Variants in CACNA2D3 observed in about 807,000 individuals in gnomAD.
CACNA2D3 encodes voltage-dependent calcium channel subunit alpha-2/delta-3.
CACNA2D3 carries 60 observed loss-of-function variants against 160.6 expected under a neutral mutation model. The observed-to-expected ratio is 0.37, with a 90% CI of 0.30 to 0.46. The LOEUF (loss-of-function observed/expected upper bound fraction) is 0.46. CACNA2D3 is among the 20% of genes least tolerant of loss of function. CACNA2D3 has a pLI of 1.00. For synonymous variants in CACNA2D3, 558 were observed against 492.9 expected (o/e 1.13, Z -1.75); for missense variants, 1,205 against 1,365.0 (o/e 0.88, Z 1.85).
intron 13 of CACNA2D3, among the ~76,000 whole-genome samples, chr3:54,800,265 C>A (rs1392223931): frequency 6.6e-6 from 1 of 152,198 alleles, no homozygotes; most frequent in African/African-American, 2.4e-5. Context: ...CCTGGACTGC[C>A]ATGGGGACCA....
intron 4 of CACNA2D3, among the ~76,000 whole-genome samples, chr3:54,460,651 C>A (rs1700485754): frequency 6.6e-6 from 1 of 152,134 alleles, no homozygotes; most frequent in Admixed American, 6.5e-5. Flanking sequence ...GCTGAAGTTG[C>A]TTATCAGCTT....
chr3:55,059,735 T>G (rs903176587), intron 35 of CACNA2D3, among the ~76,000 whole-genome samples: 1 of 152,068 alleles, frequency 6.6e-6, no homozygotes, highest in East Asian at 1.9e-4. Context: ...TGAAGGATGG[T>G]GGATACGGGG....
chr3:54,135,059 T>C (rs1699791116), intron 2 of CACNA2D3, among the ~76,000 whole-genome samples: 1 of 152,216 alleles, frequency 6.6e-6, no homozygotes, highest in Admixed American at 6.5e-5. Flanking sequence ...TCACTGATAT[T>C]AGGGAGAAAT....
intron 9 of CACNA2D3, among the ~76,000 whole-genome samples, chr3:54,589,986 A>T (rs770367504): frequency 1.2e-4 from 19 of 152,248 alleles, no homozygotes; most frequent in Non-Finnish European, 2.5e-4. Flanking sequence ...ACTCTGGAAG[A>T]CAGTTTGACA....
At chr3:54,814,034 T>G (rs909085215) in intron 13 of CACNA2D3, among the ~76,000 whole-genome samples, 6 of 151,620 alleles carry the variant, frequency 4.0e-5, no homozygotes, top group African/African-American at 1.5e-4. Flanking sequence ...CCCAGCTAAT[T>G]TTTTTTGTAT....
intron 27 of CACNA2D3, among the ~76,000 whole-genome samples, chr3:54,930,817 C>T (rs1247416487): frequency 6.6e-6 from 1 of 152,198 alleles, no homozygotes; most frequent in East Asian, 1.9e-4. Flanking sequence ...GCATCTTGGC[C>T]AAGCATGGTG....
intron 2 of CACNA2D3, among the ~76,000 whole-genome samples, chr3:54,163,009 A>G (rs1359042999): frequency 6.6e-6 from 1 of 152,200 alleles, no homozygotes; most frequent in Non-Finnish European, 1.5e-5. Flanking sequence ...AAAGGGAAAA[A>G]CAAGTGCAAG....
chr3:54,373,449 T>C (rs1698959526), intron 3 of CACNA2D3, among the ~76,000 whole-genome samples: 1 of 152,170 alleles, frequency 6.6e-6, no homozygotes, highest in Admixed American at 6.5e-5. Context: ...AAAACTGTGG[T>C]ATGTTTTAAA....
At chr3:54,661,626 G>T (rs1051326206) in intron 11 of CACNA2D3, among the ~76,000 whole-genome samples, 1 of 152,140 alleles carries the variant, frequency 6.6e-6, no homozygotes, top group Non-Finnish European at 1.5e-5. Context: ...TTGACAGCTG[G>T]CTCACTAACA....
intron 13 of CACNA2D3, among the ~76,000 whole-genome samples, chr3:54,807,594 G>A (rs188788627): frequency 6.6e-6 from 1 of 151,464 alleles, no homozygotes; most frequent in Non-Finnish European, 1.5e-5. Flanking sequence ...GGAACACTTT[G>A]ACACTGTTGG....
intron 5 of CACNA2D3, among the ~76,000 whole-genome samples, chr3:54,543,046 G>GC (rs759200391): frequency 8.5e-5 from 13 of 152,102 alleles, no homozygotes; most frequent in Non-Finnish European, 1.8e-4. Flanking sequence ...CTCAGTTCCA[G>GC]CCTTTTTCTC....
chr3:54,338,350 C>G (rs1258418141), intron 3 of CACNA2D3, among the ~76,000 whole-genome samples: 1 of 152,146 alleles, frequency 6.6e-6, no homozygotes, highest in African/African-American at 2.4e-5. Context: ...TTTTCTGAAC[C>G]AGGCAGGTTG....
chr3:54,400,231 C>T (rs1465673852), intron 4 of CACNA2D3, among the ~76,000 whole-genome samples: 1 of 150,418 alleles, frequency 6.6e-6, no homozygotes, highest in Non-Finnish European at 1.5e-5. Context: ...CCCGGTACCT[C>T]AGATGGAAAT....
intron 11 of CACNA2D3, among the ~76,000 whole-genome samples, chr3:54,724,667 A>G (rs1241856501): frequency 6.6e-6 from 1 of 152,210 alleles, no homozygotes; most frequent in African/African-American, 2.4e-5. Context: ...CTCCTGAATG[A>G]CTACTGGGTA....
intron 11 of CACNA2D3, among the ~76,000 whole-genome samples, chr3:54,728,138 T>C (rs965581053): frequency 2.4e-4 from 36 of 152,222 alleles, no homozygotes; most frequent in Admixed American, 6.5e-5. Context: ...TCATCAGTTT[T>C]GTAAAATTTT....
At position 54,802,022 on chromosome 3, in the gene CACNA2D3, T is replaced by C. The variant is rs540988911; in HGVS notation, c.1381-14831T>C. Among the ~76,000 whole-genome samples the C allele has an allele frequency of 3.9e-5, 6 of 152,348 alleles. No individual in the cohort carries two copies. In the East Asian group the frequency reaches 5.8e-4, roughly 15 times the overall value. On this transcript the variant is annotated intron_variant, in intron 13 of 37. Transcript: ENST00000474759. ...GAGGACATGACTAGTTTTAAAGTAG[T>C]AAAGTCAGCTATGTTTGTTTGCTTT... is the stretch of plus-strand genomic sequence containing the variant.
chr3:54,610,334 G>C (rs1288147057), intron 9 of CACNA2D3, among the ~76,000 whole-genome samples: 1 of 152,040 alleles, frequency 6.6e-6, no homozygotes, highest in Non-Finnish European at 1.5e-5. Flanking sequence ...AATTTTACTT[G>C]GTTACTTTTC....
intron 11 of CACNA2D3, among the ~76,000 whole-genome samples, chr3:54,682,457 C>T (rs1391774533): frequency 6.6e-6 from 1 of 151,996 alleles, no homozygotes; most frequent in Admixed American, 6.6e-5. Context: ...GAAACCCTGT[C>T]TCTACTAAAA....
intron 2 of CACNA2D3, among the ~76,000 whole-genome samples, chr3:54,169,759 TTG>T (rs563052998): frequency 2.7e-5 from 4 of 150,236 alleles, no homozygotes; most frequent in African/African-American, 7.4e-5. Flanking sequence ...GTGTGTGTGT[TTG>T]TGTGTGTGTG....
Sources: gnomAD v4.1 joint callset for allele counts (sites outside exome capture counted in the v4.1 genomes callset) on GRCh38, gnomAD v4.1.1 for gene constraint, MANE v1.5 for transcripts, NCBI Gene and HGNC (gene_info 2026-07-23, HGNC 2026-07-21) for gene names.